WDR77: variants seen among roughly 807,000 people sequenced by gnomAD.
WDR77 encodes the protein WD repeat domain 77.
Under a neutral mutation model 44.0 loss-of-function variants are expected in WDR77, and 31 were observed. The ratio of observed to expected loss-of-function variants is 0.70; its 90% CI spans 0.53 to 0.95. The LOEUF (loss-of-function observed/expected upper bound fraction) is 0.95, where lower values mean the gene tolerates loss of function less well. WDR77 is among the 40% of genes least tolerant of loss of function. The pLI, the probability that WDR77 is intolerant of heterozygous loss-of-function variation, is 0.00. For synonymous variants in WDR77, 186 were observed against 165.7 expected, an observed-to-expected ratio of 1.12 and a Z score of -0.94; for missense variants, 390 against 423.9, an observed-to-expected ratio of 0.92 and a Z score of 0.70.
Position 111,441,130 on chromosome 1 carries a change from C to G in WDR77, c.*100G>C. 3 of 1,254,718 alleles carry G rather than the reference C, an allele frequency of 2.4e-6. No individual in the cohort carries two copies. Among genetic ancestry groups the G allele is most frequent in the Non-Finnish European group, 3.1e-6 (3 of 959,540 alleles). 77.7% of individuals were successfully genotyped at this position (1,254,718 alleles called of 1,614,324 possible). Reference sequence around the variant, plus strand: ...TATTAACGGCACAGATCTAGCATATCAACATACTATAGAAGGCTCCTGTGT... The same window carrying G: ...TATTAACGGCACAGATCTAGCATATGAACATACTATAGAAGGCTCCTGTGT... On this transcript the variant is annotated 3_prime_UTR_variant, in exon 10 of 10. Transcript: ENST00000235090.
chr1:111,445,769 T>C (rs944925699), intron 4 of WDR77, among the ~76,000 whole-genome samples: 1 of 152,072 alleles, frequency 6.6e-6, no homozygotes, highest in East Asian at 1.9e-4. Flanking sequence ...ACATAGAACA[T>C]TGACTTTTTT....
rs900465483 is a variant in WDR77 at position 111,441,199 on chromosome 1, T to TG, written c.*30dup. On this transcript the variant is annotated 3_prime_UTR_variant, in exon 10 of 10. Coordinates refer to ENST00000235090, the MANE Select transcript of WDR77 (RefSeq NM_024102.4). Reference sequence around the variant, plus strand: ...GGCAGGGCAAAGAAGTGGACACTCATGGGGGACTTGCTTTTTGTCTTAAAT... The same window carrying TG: ...GGCAGGGCAAAGAAGTGGACACTCATGGGGGGACTTGCTTTTTGTCTTAAAT... 6.8e-7 allele frequency: 1 copy of TG among 1,462,816 alleles called. No homozygotes were observed. The highest frequency in any genetic ancestry group is 1.4e-5 in the African/African-American group (1 of 69,908). The allele number at this position is 1,462,816 out of a possible 1,614,324, so 90.6% of individuals were successfully genotyped here.
Position 111,449,072 on chromosome 1 carries a change from G to A in WDR77, c.98C>T (p.Ala33Val). The A allele has an allele frequency of 6.3e-7, 1 of 1,598,534 alleles. No homozygotes were observed. Among genetic ancestry groups the A allele is most frequent in the Non-Finnish European group, 8.5e-7 (1 of 1,174,210 alleles). ...CGGCTCACCGGACCGGTACCGCGCAGCCTCCAACTGCCGTTCCATGCAGGC... is the reference window on the plus strand; with the variant it reads ...CGGCTCACCGGACCGGTACCGCGCAACCTCCAACTGCCGTTCCATGCAGGC... ...APACMERQLE[A>V]ARYRSDGALL... Residue 33 changes from alanine to valine, a missense_variant, in exon 1 of 10, where the codon GCT becomes GTT. By Grantham distance (64) the Ala-to-Val change is moderately conservative (BLOSUM62 0). Transcript: ENST00000235090.
rs369259254 is a variant in WDR77, at chr1:111,447,615, A to G, written c.302-39T>C. ...GGTAAGGAAAACATGAGCTTGGATT[A>G]TACCAAGGCAGTAATTCACTTCTAG... is the stretch of plus-strand genomic sequence containing the variant. On this transcript the variant is annotated intron_variant, in intron 2 of 9. Transcript: ENST00000235090. 233 of 1,609,702 alleles carry G rather than the reference A, an allele frequency of 1.4e-4. No individual in the cohort carries two copies. In the Middle Eastern group the frequency reaches 2.5e-3, roughly 17 times the overall value.
Position 111,443,852 on chromosome 1 carries a change from G to C in WDR77, c.619+15C>G, listed in dbSNP as rs1557793168. On this transcript the variant is annotated intron_variant, in intron 6 of 9. Coordinates refer to ENST00000235090, the MANE Select transcript of WDR77 (RefSeq NM_024102.4). ...TTCCAAGTACTATTCTCCCACCAAT[G>C]AATCTCAGACTCACCAATCTGTGAT... 1 of 1,614,018 alleles carries C rather than the reference G, an allele frequency of 6.2e-7. No homozygotes were observed. The highest frequency in any genetic ancestry group is 2.2e-5 in the East Asian group (1 of 44,886).
chr1:111,444,033 G>A (rs1347100765), intron 5 of WDR77, 21 bp downstream of exon 5: 2 of 1,614,062 alleles, frequency 1.2e-6, no homozygotes, highest in Admixed American at 1.7e-5. Context: ...TGTGTTTAGG[G>A]AAGAAGGAGC....
chr1:111,442,837 C>A, intron 7 of WDR77, 76 bp from the exon 8 acceptor site: 1 of 1,065,246 alleles, frequency 9.4e-7, no homozygotes, highest in South Asian at 2.5e-5. Context: ...CCTAGTTCCT[C>A]GAGCTTGTAA....
Position 111,441,190 on chromosome 1 carries a change from G to A in WDR77, c.*40C>T, listed in dbSNP as rs1403910546. 1 of 1,424,396 alleles carries A rather than the reference G, an allele frequency of 7.0e-7. No individual in the cohort carries two copies. Among genetic ancestry groups the A allele is most frequent in the African/African-American group, 1.5e-5 (1 of 68,658 alleles). 88.2% of individuals were successfully genotyped at this position (1,424,396 alleles called of 1,614,324 possible). A position where few individuals can be genotyped will look rare whatever the true frequency, so the allele number is the denominator to read the frequency against. On this transcript the variant is annotated 3_prime_UTR_variant, in exon 10 of 10. Transcript: ENST00000235090. ...AGCTGAGAGGGCAGGGCAAAGAAGT[G>A]GACACTCATGGGGGACTTGCTTTTT...
At position 111,441,060 on chromosome 1, in the gene WDR77, A is replaced by C. The variant is rs961250190; in HGVS notation, c.*170T>G. 1 of 617,572 alleles carries C rather than the reference A, an allele frequency of 1.6e-6. No individual in the cohort carries two copies. The highest frequency in any genetic ancestry group is 4.3e-5 in the Admixed American group (1 of 23,222). The allele number at this position is 617,572 out of a possible 1,614,324, so 38.3% of individuals were successfully genotyped here. On this transcript the variant is annotated 3_prime_UTR_variant, in exon 10 of 10. Coordinates refer to ENST00000235090, the MANE Select transcript of WDR77 (RefSeq NM_024102.4). Reference sequence around the variant, plus strand: ...AAGAAAGCTTTTCCTCCCTGTGACTACAGGAACCCAGAATCCAGCCTCCCT... The same window carrying C: ...AAGAAAGCTTTTCCTCCCTGTGACTCCAGGAACCCAGAATCCAGCCTCCCT...
At position 111,440,536 on chromosome 1, in the gene WDR77, T is replaced by G. The variant is rs1359282654; in HGVS notation, c.*694A>C. ...CATCCCCAAACTTTCCCCTATGGTG[T>G]CTATGATAGAAAAACACTTCTCTCT... On this transcript the variant is annotated 3_prime_UTR_variant, in exon 10 of 10. Transcript: ENST00000235090. 6.6e-6 allele frequency: 1 copy of G among 152,200 alleles called. No individual in the cohort carries two copies. Among genetic ancestry groups the G allele is most frequent in the Non-Finnish European group, 1.5e-5 (1 of 68,042 alleles). 9.4% of individuals were successfully genotyped at this position (152,200 alleles called of 1,614,324 possible).
At position 111,449,149 on chromosome 1, in the gene WDR77, G is replaced by A; in HGVS notation, c.21C>T (p.Pro7=). ...CCCGGGCCGCCGGGGGCACTAGGGGGGGTGGGGTTTCCTTCCGCATCTCCA... is the reference window on the plus strand; with the variant it reads ...CCCGGGCCGCCGGGGGCACTAGGGGAGGTGGGGTTTCCTTCCGCATCTCCA... MRKETP[P]PLVPPAAREW... Residue 7 remains proline (P), a synonymous_variant, in exon 1 of 10, where the codon CCC becomes CCT. Coordinates refer to ENST00000235090, the MANE Select transcript of WDR77 (RefSeq NM_024102.4). 2.5e-6 allele frequency: 4 copies of A among 1,590,180 alleles called. No homozygotes were observed. The highest frequency in any genetic ancestry group is 3.4e-6 in the Non-Finnish European group (4 of 1,173,670).
chr1:111,446,050 C>G (rs762787418), intron 4 of WDR77, among the ~76,000 whole-genome samples: 2 of 152,212 alleles, frequency 1.3e-5, no homozygotes, highest in Non-Finnish European at 2.9e-5. Flanking sequence ...GGATTACAGG[C>G]GTTAAGCCAC....
rs1652785869 is a variant in WDR77, at chr1:111,440,988, A to G, written c.*242T>C. 3.2e-6 allele frequency: 1 copy of G among 315,500 alleles called. No homozygotes were observed. The highest frequency in any genetic ancestry group is 1.6e-4 in the South Asian group (1 of 6,408). 19.5% of individuals were successfully genotyped at this position (315,500 alleles called of 1,614,324 possible). On this transcript the variant is annotated 3_prime_UTR_variant, in exon 10 of 10. Transcript: ENST00000235090. ...TTTTTTATTCCTGCCACTACCAAAA[A>G]CTATAAATCTACACACACACTCACA... is the stretch of plus-strand genomic sequence containing the variant.
rs1168834622 is a variant in WDR77, at chr1:111,447,545, A to G, written c.333T>C (p.Asn111=). Residue 111 remains asparagine, a synonymous_variant, in exon 3 of 10, where the codon AAT becomes AAC. Transcript: ENST00000235090. ...GAVELWELDE[N]ETLIVSKFCK... ...AGAACTTGCTGACAATAAGTGTCTC[A>G]TTCTCATCTAGTTCCCACAATTCAA... 1 of 1,614,236 alleles carries G rather than the reference A, an allele frequency of 6.2e-7. No homozygotes were observed. Among genetic ancestry groups the G allele is most frequent in the Non-Finnish European group, 8.5e-7 (1 of 1,180,034 alleles).
chr1:111,447,617 A>AC lies in WDR77; in HGVS notation c.302-42dup, dbSNP rs777692235. 3 of 1,609,280 alleles carry AC rather than the reference A, an allele frequency of 1.9e-6. No homozygotes were observed. The East Asian group carries it at 6.7e-5, about 36-fold the overall frequency. ...TAAGGAAAACATGAGCTTGGATTAT[A>AC]CCAAGGCAGTAATTCACTTCTAGGA... On this transcript the variant is annotated intron_variant, in intron 2 of 9. Transcript: ENST00000235090.
At position 111,448,280 on chromosome 1, in the gene WDR77, G is replaced by A. The variant is rs1201904382; in HGVS notation, c.301+339C>T. 2.0e-5 allele frequency among the ~76,000 whole-genome samples: 3 copies of A among 152,052 alleles called. No individual in the cohort carries two copies. In the East Asian group the frequency reaches 5.8e-4, roughly 29 times the overall value. On this transcript the variant is annotated intron_variant, in intron 2 of 9. Transcript: ENST00000235090. ...AAGAAAGCGGTAAGAAATGGGAAGA[G>A]ACATGTAGCACAGATTGGCTTCAAT...
rs914026147 is a variant in WDR77 at position 111,443,634 on chromosome 1, T to C, written c.619+233A>G. On this transcript the variant is annotated intron_variant, in intron 6 of 9. Transcript: ENST00000235090. ...CATGACGATAACAATTCTGGCCCCT[T>C]TGTCCTACCATCTAATAAAGTAAAT... 7.1e-6 allele frequency: 7 copies of C among 984,414 alleles called. No individual in the cohort carries two copies. The African/African-American group carries it at 1.0e-4, about 15-fold the overall frequency. 61.0% of individuals were successfully genotyped at this position (984,414 alleles called of 1,614,324 possible).
At position 111,441,654 on chromosome 1, in the gene WDR77, G is replaced by A. The variant is rs191491670; in HGVS notation, c.870-265C>T. 22 of 1,176,192 alleles carry A rather than the reference G, an allele frequency of 1.9e-5. No homozygotes were observed. In the Middle Eastern group the frequency reaches 9.7e-4, roughly 52 times the overall value. 72.9% of individuals were successfully genotyped at this position (1,176,192 alleles called of 1,614,324 possible). ...GGGGCAGTAACAGGCAGCAAATCAC[G>A]GCAAGGAGGGAAGTACAATTCAGGT... On this transcript the variant is annotated intron_variant, in intron 9 of 9. Transcript: ENST00000235090.
intron 7 of WDR77, 151 bp from the exon 8 acceptor site, chr1:111,442,912 T>C (rs1652872844): frequency 3.7e-6 from 2 of 547,418 alleles, no homozygotes; most frequent in Non-Finnish European, 6.3e-6. Flanking sequence ...CACTGGATCA[T>C]TGTGAAAATT....
Sources: allele counts gnomAD v4.1 joint callset (sites outside exome capture counted in the v4.1 genomes callset), GRCh38; gene constraint gnomAD v4.1.1; transcripts MANE v1.5; gene names NCBI Gene and HGNC (gene_info 2026-07-23, HGNC 2026-07-21).